The following CLEC19A variants were observed in gnomAD, a reference collection of about 807,000 sequenced individuals.
The protein encoded by CLEC19A is C-type lectin domain containing 19A.
CLEC19A carries 21 observed loss-of-function variants against 26.1 expected under a neutral mutation model. The ratio of observed to expected loss-of-function variants is 0.80; its 90% CI spans 0.57 to 1.16. The LOEUF is 1.16. Ranked by LOEUF, CLEC19A falls within the 50% of genes most tolerant of loss-of-function variation. The pLI is 0.00. For synonymous variants in CLEC19A, 89 were observed against 88.6 expected (o/e 1.00, Z -0.03); for missense variants, 224 against 227.6 (o/e 0.98, Z 0.10).
intron 2 of CLEC19A, 119 bp from the exon 3 acceptor site, chr16:19,303,943 G>A: frequency 1.3e-6 from 1 of 787,794 alleles, no homozygotes; most frequent in South Asian, 1.8e-5. Flanking sequence ...GGCCGAATTG[G>A]ATCATATCCT....
intron 2 of CLEC19A, chr16:19,303,840 G>A: frequency 2.2e-6 from 1 of 455,546 alleles, no homozygotes; most frequent in Non-Finnish European, 4.0e-6. Context: ...GGGATGAGTA[G>A]CAGTACTGAG....
intron 3 of CLEC19A, chr16:19,304,392 C>A: frequency 7.0e-5 from 12 of 171,716 alleles, no homozygotes; most frequent in Non-Finnish European, 1.0e-4. Flanking sequence ...GGCTTGGGTT[C>A]TCTTAAAAAA....
chr16:19,306,920 A>G (rs564548320), intron 3 of CLEC19A, among the ~76,000 whole-genome samples: 19 of 152,272 alleles, frequency 1.2e-4, no homozygotes, highest in Non-Finnish European at 2.4e-4. Flanking sequence ...CTTTTCTTAA[A>G]ACTTAAATAA....
chr16:19,306,756 A>G (rs973224416), intron 3 of CLEC19A, among the ~76,000 whole-genome samples: 58 of 142,850 alleles, frequency 4.1e-4, no homozygotes, highest in African/African-American at 1.4e-3. Context: ...ACAGATGTGG[A>G]AACTGGGGCT....
intron 3 of CLEC19A, among the ~76,000 whole-genome samples, chr16:19,306,294 C>A (rs1897952879): frequency 6.6e-6 from 1 of 151,922 alleles, no homozygotes; most frequent in South Asian, 2.1e-4. Flanking sequence ...TATAGGCAGG[C>A]ACCACCACAC....
At chr16:19,295,810 C>T (rs1373972306) in intron 1 of CLEC19A, among the ~76,000 whole-genome samples, 1 of 152,198 alleles carries the variant, frequency 6.6e-6, no homozygotes, top group East Asian at 1.9e-4. Flanking sequence ...TCGTCCCAAG[C>T]AGCGATTCAG....
chr16:19,305,827 T>G (rs1035330059), intron 3 of CLEC19A, among the ~76,000 whole-genome samples: 3 of 151,950 alleles, frequency 2.0e-5, no homozygotes, highest in Admixed American at 6.6e-5. Flanking sequence ...TTTTTTTGGG[T>G]TTTTTTGCTG....
At chr16:19,292,993 A>AAAAGGT (rs553393311) in intron 1 of CLEC19A, among the ~76,000 whole-genome samples, 406 of 152,334 alleles carry the variant, frequency 2.7e-3, no homozygotes, top group Non-Finnish European at 5.1e-3. Context: ...AAGAACAGCT[A>AAAAGGT]AAAGGTGTTG....
intron 4 of CLEC19A, 100 bp downstream of exon 4, chr16:19,307,777 G>T: frequency 1.4e-6 from 2 of 1,462,402 alleles, no homozygotes. Flanking sequence ...GCACCTGATG[G>T]CCTGAGACTG....
intron 4 of CLEC19A, 133 bp downstream of exon 4, chr16:19,307,810 G>C: frequency 8.3e-7 from 1 of 1,199,346 alleles, no homozygotes; most frequent in Non-Finnish European, 1.2e-6. Flanking sequence ...GCACCTTGGA[G>C]AGCGGTGGAG....
Position 19,307,467 on chromosome 16 carries a change from G to A in CLEC19A, c.349-78G>A, listed in dbSNP as rs182551485. On this transcript the variant is annotated intron_variant, in intron 3 of 4. Transcript: ENST00000636231. Reference sequence around the variant, plus strand: ...TAGAAATTAAGTTGCTAAGACGTCTGAGCTGGAGCTGCCTGGCTCAAATGC... The same window carrying A: ...TAGAAATTAAGTTGCTAAGACGTCTAAGCTGGAGCTGCCTGGCTCAAATGC... The A allele has an allele frequency of 4.4e-4, 661 of 1,514,860 alleles. 3 individuals carry two copies. The African/African-American group carries it at 8.3e-3, about 19-fold the overall frequency. 93.8% of individuals were successfully genotyped at this position (1,514,860 alleles called of 1,614,324 possible). A position where few individuals can be genotyped will look rare whatever the true frequency, so the allele number is the denominator to read the frequency against.
intron 1 of CLEC19A, among the ~76,000 whole-genome samples, chr16:19,289,216 A>G (rs1383187565): frequency 6.6e-6 from 1 of 152,104 alleles, no homozygotes; most frequent in African/African-American, 2.4e-5. Context: ...TGGACATTCT[A>G]TCCAGTTCCC....
chr16:19,299,257 A>C (rs925112831), intron 2 of CLEC19A, among the ~76,000 whole-genome samples: 1 of 152,230 alleles, frequency 6.6e-6, no homozygotes, highest in Non-Finnish European at 1.5e-5. Context: ...AAAGAATATG[A>C]TGTAAAGAAT....
At chr16:19,307,793 T>C in intron 4 of CLEC19A, 116 bp downstream of exon 4, 2 of 1,382,770 alleles carry the variant, frequency 1.4e-6, no homozygotes, top group Non-Finnish European at 2.0e-6. Context: ...GACTGGCAAA[T>C]TGTTCAGCAC....
At chr16:19,304,246 C>T (rs545071725) in intron 3 of CLEC19A, 91 bp downstream of exon 3, 67 of 1,014,364 alleles carry the variant, frequency 6.6e-5, no homozygotes, top group South Asian at 5.5e-4. Context: ...TGCCAGGTCA[C>T]GGCTATGCAC....
chr16:19,306,798 G>A (rs2143011305), intron 3 of CLEC19A, among the ~76,000 whole-genome samples: 1 of 152,256 alleles, frequency 6.6e-6, no homozygotes, highest in Non-Finnish European at 1.5e-5. Flanking sequence ...CCAGGTTGCA[G>A]AGCTAGGCAG....
chr16:19,299,782 T>C, intron 2 of CLEC19A, among the ~76,000 whole-genome samples: 1 of 152,250 alleles, frequency 6.6e-6, no homozygotes, highest in East Asian at 1.9e-4. Context: ...CCCTGCTGAT[T>C]TGTGAGTTTT....
At chr16:19,299,760 TG>T (rs1245065719) in intron 2 of CLEC19A, among the ~76,000 whole-genome samples, 1 of 152,248 alleles carries the variant, frequency 6.6e-6, no homozygotes, top group Admixed American at 6.5e-5. Context: ...CTACCTTTTT[TG>T]CATCTGACTT....
At chr16:19,293,914 T>G (rs1567252745) in intron 1 of CLEC19A, among the ~76,000 whole-genome samples, 1 of 152,260 alleles carries the variant, frequency 6.6e-6, no homozygotes, top group East Asian at 1.9e-4. Flanking sequence ...ACACTCCAAT[T>G]ATATTCTTTT....
Sources: gnomAD v4.1 joint callset for allele counts (sites outside exome capture counted in the v4.1 genomes callset) on GRCh38, gnomAD v4.1.1 for gene constraint, MANE v1.5 for transcripts, NCBI Gene and HGNC (gene_info 2026-07-23, HGNC 2026-07-21) for gene names.